ACYP2: variants seen among roughly 807,000 people sequenced by gnomAD.
The protein encoded by ACYP2 is acylphosphatase-2.
In ACYP2, 12 loss-of-function variants were observed where a neutral mutation model predicts 11.2. The ratio of observed to expected loss-of-function variants is 1.08; its 90% CI spans 0.69 to 1.74. The LOEUF (loss-of-function observed/expected upper bound fraction) is 1.74, where lower values mean the gene tolerates loss of function less well. ACYP2 is among the 40% of genes most tolerant of loss of function. ACYP2 has a pLI of 0.00. For synonymous variants in ACYP2, 43 were observed against 32.2 expected (o/e 1.33, Z -1.13); for missense variants, 134 against 101.9 (o/e 1.31, Z -1.35).
intron 2 of ACYP2, among the ~76,000 whole-genome samples, chr2:54,047,323 T>A (rs1011114035): frequency 1.3e-5 from 2 of 152,222 alleles, no homozygotes; most frequent in South Asian, 2.1e-4. Context: ...ATATTTCTTA[T>A]AAATTTAAAA....
At chr2:54,289,606 C>T (rs1689217742) in intron 6 of ACYP2, among the ~76,000 whole-genome samples, 2 of 151,938 alleles carry the variant, frequency 1.3e-5, no homozygotes, top group African/African-American at 4.8e-5. Context: ...ACATAACAGA[C>T]TGAAATTTGT....
intron 2 of ACYP2, among the ~76,000 whole-genome samples, chr2:54,048,875 A>G (rs1263002043): frequency 6.6e-6 from 1 of 152,192 alleles, no homozygotes. Context: ...ATACCAGGCA[A>G]GGGTAGGTGC....
intron 4 of ACYP2, among the ~76,000 whole-genome samples, chr2:54,121,679 G>A (rs932514684): frequency 2.6e-5 from 4 of 152,130 alleles, no homozygotes; most frequent in African/African-American, 9.7e-5. Context: ...CATAAATATG[G>A]TTAACTCTAA....
intron 6 of ACYP2, among the ~76,000 whole-genome samples, chr2:54,214,809 G>C (rs1685491563): frequency 6.6e-6 from 1 of 152,106 alleles, no homozygotes; most frequent in Admixed American, 6.6e-5. Flanking sequence ...AGTTTGATAG[G>C]AATGGCATCA....
chr2:54,232,409 ATCCCTGCTCT>A (rs1298136266), intron 6 of ACYP2, among the ~76,000 whole-genome samples: 2 of 152,132 alleles, frequency 1.3e-5, no homozygotes, highest in Non-Finnish European at 2.9e-5. Context: ...TGACTGGCTT[ATCCCTGCTCT>A]TCCCTGAGTC....
intron 2 of ACYP2, among the ~76,000 whole-genome samples, chr2:54,030,404 A>G (rs373341185): frequency 7.9e-5 from 12 of 152,164 alleles, no homozygotes; most frequent in African/African-American, 2.9e-4. Flanking sequence ...CCTACTGACC[A>G]TATGTTTCAT....
At chr2:54,229,445 T>C (rs1461400241) in intron 6 of ACYP2, among the ~76,000 whole-genome samples, 1 of 152,202 alleles carries the variant, frequency 6.6e-6, no homozygotes, top group East Asian at 1.9e-4. Context: ...GAAATTATTA[T>C]TTAATTATAT....
chr2:54,287,718 G>A (rs1293627160), intron 6 of ACYP2, among the ~76,000 whole-genome samples: 1 of 152,026 alleles, frequency 6.6e-6, no homozygotes, highest in Non-Finnish European at 1.5e-5. Context: ...CCAGCTGACT[G>A]AGTTTTCCCA....
chr2:54,101,846 C>T (rs958136779), intron 4 of ACYP2, among the ~76,000 whole-genome samples: 1 of 152,076 alleles, frequency 6.6e-6, no homozygotes, highest in African/African-American at 2.4e-5. Context: ...TATACATCCC[C>T]CTCCGACATA....
chr2:54,267,843 A>G (rs1346553164), intron 6 of ACYP2, among the ~76,000 whole-genome samples: 1 of 152,216 alleles, frequency 6.6e-6, no homozygotes, highest in African/African-American at 2.4e-5. Context: ...GTTCAGAGCT[A>G]TCTTCCTAGA....
intron 2 of ACYP2, among the ~76,000 whole-genome samples, chr2:53,995,485 A>T (rs1032460327): frequency 5.3e-4 from 69 of 129,322 alleles, no homozygotes; most frequent in Admixed American, 1.2e-3. Flanking sequence ...TTATTTATTT[A>T]TTTTTTATTT....
intron 4 of ACYP2, among the ~76,000 whole-genome samples, chr2:54,107,537 C>A (rs1287328869): frequency 6.6e-6 from 1 of 152,204 alleles, no homozygotes; most frequent in East Asian, 1.9e-4. Context: ...AGACATTGCA[C>A]TGGTCAAGGT....
chr2:54,265,187 A>G (rs184139551), intron 6 of ACYP2, among the ~76,000 whole-genome samples: 235 of 152,288 alleles, frequency 1.5e-3, no homozygotes, highest in Non-Finnish European at 2.6e-3. Flanking sequence ...GGAAATTTAC[A>G]AAAGAAAGAG....
chr2:54,023,422 C>T (rs778821063), intron 2 of ACYP2, among the ~76,000 whole-genome samples: 3 of 152,064 alleles, frequency 2.0e-5, no homozygotes, highest in African/African-American at 7.2e-5. Flanking sequence ...CCTGAGTATC[C>T]GGGATGACAG....
chr2:54,205,914 C>G (rs1685055317), intron 6 of ACYP2, among the ~76,000 whole-genome samples: 1 of 152,112 alleles, frequency 6.6e-6, no homozygotes, highest in South Asian at 2.1e-4. Context: ...ATGTACTTAT[C>G]AAACATAAAT....
At chr2:54,087,238 C>A (rs1405343813) in intron 4 of ACYP2, among the ~76,000 whole-genome samples, 1 of 152,212 alleles carries the variant, frequency 6.6e-6, no homozygotes, top group African/African-American at 2.4e-5. Flanking sequence ...CACACTTGTA[C>A]ACATGTCCAG....
chr2:54,016,786 C>T (rs1206652386), intron 2 of ACYP2, among the ~76,000 whole-genome samples: 1 of 147,430 alleles, frequency 6.8e-6, no homozygotes, highest in Non-Finnish European at 1.5e-5. Context: ...AGTGCAGTGG[C>T]ACGATCTCGG....
chr2:54,019,841 A>T (rs1673908904), intron 2 of ACYP2, among the ~76,000 whole-genome samples: 1 of 151,096 alleles, frequency 6.6e-6, no homozygotes, highest in Non-Finnish European at 1.5e-5. Context: ...GTTGGTCTCG[A>T]ACTCCTGGCC....
chr2:54,011,083 A>G lies in ACYP2; in HGVS notation c.62+37273A>G, dbSNP rs530899373. 4.6e-5 allele frequency among the ~76,000 whole-genome samples: 7 copies of G among 152,272 alleles called. No individual in the cohort carries two copies. In the East Asian group the frequency reaches 7.7e-4, roughly 17 times the overall value. On this transcript the variant is annotated intron_variant, in intron 2 of 6. Coordinates refer to ENST00000607452, the MANE Select transcript of ACYP2 (RefSeq NM_001320586.2). Reference sequence around the variant, plus strand: ...TTAATAATCTTGGCTAGTTGTAACAAAGTAAAATAAAATGTCTCAATAAAT... The same window carrying G: ...TTAATAATCTTGGCTAGTTGTAACAGAGTAAAATAAAATGTCTCAATAAAT...
Sources: gnomAD v4.1 joint callset for allele counts (sites outside exome capture counted in the v4.1 genomes callset) on GRCh38, gnomAD v4.1.1 for gene constraint, MANE v1.5 for transcripts, NCBI Gene and HGNC (gene_info 2026-07-23, HGNC 2026-07-21) for gene names.